RBMS3: variants seen among roughly 807,000 people sequenced by gnomAD.
RBMS3 encodes the protein RNA-binding motif, single-stranded-interacting protein 3.
A neutral mutation model predicts 66.8 loss-of-function variants in RBMS3; 27 were observed. That is an observed-to-expected ratio of 0.40 (90% CI 0.30 to 0.56). The LOEUF is 0.56. Ranked by LOEUF, RBMS3 falls within the 20% of genes least tolerant of loss-of-function variation. The pLI is 0.40. For synonymous variants in RBMS3, 188 were observed against 183.0 expected (o/e 1.03, Z -0.22); for missense variants, 513 against 549.5 (o/e 0.93, Z 0.66).
intron 4 of RBMS3, among the ~76,000 whole-genome samples, chr3:29,714,088 A>C (rs766791692): frequency 2.8e-5 from 4 of 145,044 alleles, no homozygotes; most frequent in Non-Finnish European, 4.6e-5. Context: ...AAAACAAAAA[A>C]CTATTTTTAA....
chr3:29,428,403 A>G (rs1344387679), intron 1 of RBMS3, among the ~76,000 whole-genome samples: 1 of 152,152 alleles, frequency 6.6e-6, no homozygotes, highest in East Asian at 1.9e-4. Flanking sequence ...GTGCCAAAGT[A>G]TGGAACTAAG....
In RBMS3 at chr3:29,677,869, C is replaced by T. The variant is rs547349038; in HGVS notation, c.400-61851C>T. Among the ~76,000 whole-genome samples the T allele has an allele frequency of 2.6e-5, 4 of 152,216 alleles. No individual in the cohort carries two copies. In the East Asian group the frequency reaches 7.7e-4, roughly 29 times the overall value. The stretch of plus-strand genomic sequence containing the variant: ...AGCACCAGAATGTGAGTCAGACAAG[C>T]TGAATTTTAACTAGGATTCTGTCAC... On this transcript the variant is annotated intron_variant, in intron 4 of 14. Coordinates refer to ENST00000383767, the MANE Select transcript of RBMS3 (RefSeq NM_001003793.3).
At chr3:29,402,576 A>G (rs377759594) in intron 1 of RBMS3, among the ~76,000 whole-genome samples, 73 of 152,152 alleles carry the variant, frequency 4.8e-4, no homozygotes, top group African/African-American at 1.8e-3. Flanking sequence ...AGCTGTATCA[A>G]TCTTTACAGA....
intron 2 of RBMS3, among the ~76,000 whole-genome samples, chr3:29,468,302 G>A (rs1351755044): frequency 1.3e-5 from 2 of 152,094 alleles, no homozygotes; most frequent in African/African-American, 4.8e-5. Flanking sequence ...TTCTGTGGTG[G>A]CAGATTCCCC....
intron 6 of RBMS3, among the ~76,000 whole-genome samples, chr3:29,816,562 G>T (rs1378826236): frequency 6.6e-6 from 1 of 151,864 alleles, no homozygotes; most frequent in African/African-American, 2.4e-5. Flanking sequence ...ATTGTTATTT[G>T]CTCTGTTGAA....
intron 6 of RBMS3, among the ~76,000 whole-genome samples, chr3:29,774,781 C>T (rs2056360730): frequency 6.6e-6 from 1 of 151,948 alleles, no homozygotes; most frequent in Non-Finnish European, 1.5e-5. Context: ...ATCCAGCTGT[C>T]TTTTATTAAG....
intron 4 of RBMS3, among the ~76,000 whole-genome samples, chr3:29,622,280 T>A (rs961979051): frequency 6.6e-6 from 1 of 152,182 alleles, no homozygotes; most frequent in African/African-American, 2.4e-5. Flanking sequence ...AAATATAATA[T>A]AATTTTGCAT....
At chr3:29,920,995 G>T (rs1014870916) in intron 10 of RBMS3, among the ~76,000 whole-genome samples, 3 of 152,104 alleles carry the variant, frequency 2.0e-5, no homozygotes, top group African/African-American at 4.8e-5. Flanking sequence ...GAGGCCATTG[G>T]ATATTAATAT....
At chr3:29,323,072 G>A (rs1294924605) in intron 1 of RBMS3, among the ~76,000 whole-genome samples, 2 of 152,144 alleles carry the variant, frequency 1.3e-5, no homozygotes, top group East Asian at 3.9e-4. Context: ...AGTTGGTGCT[G>A]TTAATGTCAA....
At chr3:29,629,819 T>C (rs2049218695) in intron 4 of RBMS3, among the ~76,000 whole-genome samples, 1 of 152,108 alleles carries the variant, frequency 6.6e-6, no homozygotes, top group Admixed American at 6.6e-5. Flanking sequence ...CTGACAAGGC[T>C]GCTATCTATT....
chr3:29,948,490 G>C (rs1231042097), intron 12 of RBMS3, among the ~76,000 whole-genome samples: 1 of 151,738 alleles, frequency 6.6e-6, no homozygotes, highest in African/African-American at 2.4e-5. Context: ...AGAACAAGGA[G>C]AACAAGACCA....
intron 3 of RBMS3, among the ~76,000 whole-genome samples, chr3:29,552,151 T>C (rs2046200297): frequency 6.6e-6 from 1 of 152,226 alleles, no homozygotes. Context: ...CCATGGCTTT[T>C]GGAGGTGAAA....
intron 2 of RBMS3, among the ~76,000 whole-genome samples, chr3:29,472,504 C>G (rs772241678): frequency 2.6e-5 from 4 of 152,100 alleles, no homozygotes; most frequent in African/African-American, 9.7e-5. Context: ...TCACTGACTT[C>G]GAATGAAGCC....
chr3:29,563,955 C>A (rs928931201), intron 3 of RBMS3, among the ~76,000 whole-genome samples: 1 of 146,302 alleles, frequency 6.8e-6, no homozygotes, highest in Non-Finnish European at 1.5e-5. Flanking sequence ...AGATTGAGGC[C>A]GTAGTGAGCT....
intron 1 of RBMS3, among the ~76,000 whole-genome samples, chr3:29,365,102 T>G (rs1486080304): frequency 3.3e-5 from 5 of 152,176 alleles, no homozygotes; most frequent in Admixed American, 6.6e-5. Flanking sequence ...GTTCCACTAA[T>G]GTTAATATCA....
At chr3:29,318,092 C>A (rs956072418) in intron 1 of RBMS3, among the ~76,000 whole-genome samples, 6 of 151,744 alleles carry the variant, frequency 4.0e-5, no homozygotes, top group Non-Finnish European at 7.4e-5. Flanking sequence ...TATTGTCCTG[C>A]AAGTCTTCAG....
At position 29,731,073 on chromosome 3, in the gene RBMS3, T is replaced by C. The variant is rs75600849; in HGVS notation, c.400-8647T>C. 3.9e-3 allele frequency: 3,758 copies of C among 961,720 alleles called. 89 individuals carry two copies. The African/African-American group carries it at 0.053, about 14-fold the overall frequency. The allele number at this position is 961,720 out of a possible 1,614,324, so 59.6% of individuals were successfully genotyped here. A position where few individuals can be genotyped will look rare whatever the true frequency, so the allele number is the denominator to read the frequency against. ...TGGAATCATTCACTGCCTAACTCAATTGAAGGCTCCTCAATTGATCTTGAA... is the reference window on the plus strand; with the variant it reads ...TGGAATCATTCACTGCCTAACTCAACTGAAGGCTCCTCAATTGATCTTGAA... On this transcript the variant is annotated intron_variant, in intron 4 of 14. Transcript: ENST00000383767.
chr3:29,368,678 T>A (rs1559523416), intron 1 of RBMS3, among the ~76,000 whole-genome samples: 1 of 152,048 alleles, frequency 6.6e-6, no homozygotes, highest in Non-Finnish European at 1.5e-5. Flanking sequence ...TTTAAAAATC[T>A]CACAAATATT....
At chr3:29,359,945 T>G (rs1191411327) in intron 1 of RBMS3, among the ~76,000 whole-genome samples, 1 of 152,198 alleles carries the variant, frequency 6.6e-6, no homozygotes, top group Non-Finnish European at 1.5e-5. Flanking sequence ...CTTTTCTTCT[T>G]TATTAGTCTT....
Sources: gnomAD v4.1 joint callset for allele counts (sites outside exome capture counted in the v4.1 genomes callset) on GRCh38, gnomAD v4.1.1 for gene constraint, MANE v1.5 for transcripts, NCBI Gene and HGNC (gene_info 2026-07-23, HGNC 2026-07-21) for gene names.